CACNA2D3: variants seen among roughly 807,000 people sequenced by gnomAD.
CACNA2D3 encodes the protein calcium voltage-gated channel auxiliary subunit alpha2delta 3, also known as voltage-dependent calcium channel subunit alpha-2/delta-3.
Under a neutral mutation model 160.6 loss-of-function variants are expected in CACNA2D3, and 60 were observed. That is an observed-to-expected ratio of 0.37 (90% CI 0.30 to 0.46). The LOEUF is 0.46. Ranked by LOEUF, CACNA2D3 falls within the 20% of genes least tolerant of loss-of-function variation. CACNA2D3 has a pLI of 1.00. For missense variants in CACNA2D3, 1,205 were observed against 1,365.0 expected, an observed-to-expected ratio of 0.88 and a Z score of 1.85; for synonymous variants, 558 against 492.9, an observed-to-expected ratio of 1.13 and a Z score of -1.75.
chr3:55,008,888 T>TACACACACACACACACACAC (rs4024588), intron 33 of CACNA2D3, among the ~76,000 whole-genome samples: 8,417 of 142,620 alleles, frequency 0.059, 307 homozygotes, highest in Admixed American at 0.083. Flanking sequence ...CCTCCCTCTA[T>TACACACACACACACACACAC]ACACACACAC....
At chr3:54,203,046 A>G (rs990944395) in intron 2 of CACNA2D3, among the ~76,000 whole-genome samples, 1 of 152,208 alleles carries the variant, frequency 6.6e-6, no homozygotes, top group African/African-American at 2.4e-5. Flanking sequence ...TTTGGGTGCT[A>G]TCAGCTGCAT....
At position 54,677,946 on chromosome 3, in the gene CACNA2D3, T is replaced by C. The variant is rs553905400; in HGVS notation, c.1167+35705T>C. On this transcript the variant is annotated intron_variant, in intron 11 of 37. Coordinates refer to ENST00000474759, the MANE Select transcript of CACNA2D3 (RefSeq NM_018398.3). The stretch of plus-strand genomic sequence containing the variant: ...TACCTTTAGAGTCCTGAGGGACACA[T>C]GTGTGATGAGAGAGAGAAATGAAGC... 9.2e-5 allele frequency among the ~76,000 whole-genome samples: 14 copies of C among 152,088 alleles called. No individual in the cohort carries two copies. In the East Asian group the frequency reaches 2.7e-3, roughly 29 times the overall value.
intron 2 of CACNA2D3, among the ~76,000 whole-genome samples, chr3:54,145,362 G>A (rs1166452071): frequency 6.6e-6 from 1 of 152,242 alleles, no homozygotes; most frequent in African/African-American, 2.4e-5. Context: ...CCCTGGATGT[G>A]TGTGTGTGGA....
intron 4 of CACNA2D3, among the ~76,000 whole-genome samples, chr3:54,477,792 C>G (rs865811002): frequency 2.6e-5 from 4 of 152,146 alleles, no homozygotes; most frequent in Admixed American, 6.5e-5. Flanking sequence ...TTGACCCTCT[C>G]TGAGGTTAAA....
intron 5 of CACNA2D3, among the ~76,000 whole-genome samples, chr3:54,544,584 A>T (rs1458396361): frequency 3.9e-5 from 6 of 151,952 alleles, no homozygotes; most frequent in African/African-American, 1.4e-4. Context: ...TTTTGTAGGG[A>T]TGGGGGTCTC....
intron 35 of CACNA2D3, among the ~76,000 whole-genome samples, chr3:55,019,111 T>TTTCTTTCTTTCTTTCTTTCTTTCTTTC (rs1233425361): frequency 1.9e-5 from 2 of 106,662 alleles, no homozygotes; most frequent in African/African-American, 1.6e-4. Flanking sequence ...TTCTTTCTTT[T>TTTCTTTCTTTCTTTCTTTCTTTCTTTC]TTTAATAAGT....
At chr3:54,342,998 C>T (rs1419675475) in intron 3 of CACNA2D3, among the ~76,000 whole-genome samples, 1 of 152,214 alleles carries the variant, frequency 6.6e-6, no homozygotes, top group Non-Finnish European at 1.5e-5. Flanking sequence ...ACATCACAGG[C>T]CAGTGTGTGG....
chr3:54,924,527 C>T, intron 27 of CACNA2D3: 1 of 1,081,104 alleles, frequency 9.2e-7, no homozygotes, highest in East Asian at 2.4e-5. Context: ...CCCTTACACA[C>T]TCCTCCACAT....
chr3:54,981,017 T>C (rs910969577), intron 29 of CACNA2D3, among the ~76,000 whole-genome samples: 2 of 152,182 alleles, frequency 1.3e-5, no homozygotes, highest in African/African-American at 4.8e-5. Flanking sequence ...ATATTACACA[T>C]ACAACACATA....
chr3:54,309,540 G>A (rs942966191), intron 2 of CACNA2D3, among the ~76,000 whole-genome samples: 1 of 152,050 alleles, frequency 6.6e-6, no homozygotes, highest in Non-Finnish European at 1.5e-5. Flanking sequence ...GACCACCCAT[G>A]GCAGAGCCAG....
chr3:54,339,203 T>A lies in CACNA2D3; in HGVS notation c.321+18645T>A, dbSNP rs182230681. ...CGGGACCTCCCTCAAGCTCTGTGAATGTGCCAACCTCTTCTCTCTTCTAGA... is the reference window on the plus strand; with the variant it reads ...CGGGACCTCCCTCAAGCTCTGTGAAAGTGCCAACCTCTTCTCTCTTCTAGA... On this transcript the variant is annotated intron_variant, in intron 3 of 37. Coordinates refer to ENST00000474759, the MANE Select transcript of CACNA2D3 (RefSeq NM_018398.3). Among the ~76,000 whole-genome samples, 1,450 of 152,310 alleles carry A rather than the reference T, an allele frequency of 9.5e-3. 12 individuals carry two copies. Among genetic ancestry groups the A allele is most frequent in the Non-Finnish European group, 0.014 (983 of 68,020 alleles).
chr3:54,912,597 G>C (rs1264670894), intron 27 of CACNA2D3, among the ~76,000 whole-genome samples: 1 of 151,850 alleles, frequency 6.6e-6, no homozygotes, highest in Non-Finnish European at 1.5e-5. Context: ...ATTTCCTTCA[G>C]GTCTCTCCTC....
At chr3:54,800,042 A>C (rs1296525624) in intron 13 of CACNA2D3, among the ~76,000 whole-genome samples, 1 of 152,102 alleles carries the variant, frequency 6.6e-6, no homozygotes, top group African/African-American at 2.4e-5. Context: ...ATTAAGTTTT[A>C]ATTAAAACCA....
chr3:55,069,281 A>T (rs1013662973), intron 35 of CACNA2D3, among the ~76,000 whole-genome samples: 4 of 152,208 alleles, frequency 2.6e-5, no homozygotes, highest in Non-Finnish European at 5.9e-5. Flanking sequence ...CTCAAATTCC[A>T]TAAAATATCC....
chr3:54,387,417 T>G (rs1699206461), intron 4 of CACNA2D3, among the ~76,000 whole-genome samples: 1 of 152,154 alleles, frequency 6.6e-6, no homozygotes. Context: ...TTTGGGAGAC[T>G]GAGGCAGGTG....
At chr3:55,021,715 G>GTGTA (rs1553632885) in intron 35 of CACNA2D3, among the ~76,000 whole-genome samples, 190 of 141,390 alleles carry the variant, frequency 1.3e-3, no homozygotes, top group African/African-American at 4.8e-3. Context: ...ATATGTGTGT[G>GTGTA]TATATATATA....
At chr3:54,926,621 TTGCTC>T (rs1298934750) in intron 27 of CACNA2D3, among the ~76,000 whole-genome samples, 9 of 152,264 alleles carry the variant, frequency 5.9e-5, no homozygotes, top group African/African-American at 2.2e-4. Flanking sequence ...ATTCTGCAAT[TTGCTC>T]TGTTCACTGA....
chr3:54,160,519 A>T (rs1700326074), intron 2 of CACNA2D3, among the ~76,000 whole-genome samples: 2 of 152,160 alleles, frequency 1.3e-5, no homozygotes, highest in Non-Finnish European at 2.9e-5. Context: ...AAAATAAAAT[A>T]AAATAAAGGA....
chr3:54,226,091 A>G (rs907512884), intron 2 of CACNA2D3, among the ~76,000 whole-genome samples: 7 of 151,948 alleles, frequency 4.6e-5, no homozygotes, highest in South Asian at 4.2e-4. Context: ...GCGTTTCTCA[A>G]TGTCATTGGC....
Sources: allele counts gnomAD v4.1 joint callset (sites outside exome capture counted in the v4.1 genomes callset), GRCh38; gene constraint gnomAD v4.1.1; transcripts MANE v1.5; gene names NCBI Gene and HGNC (gene_info 2026-07-23, HGNC 2026-07-21).